The following RYR1 variants were observed in gnomAD, a reference collection of about 807,000 sequenced individuals.
RYR1 encodes the protein ryanodine receptor 1.
RYR1 carries 342 observed loss-of-function variants against 583.5 expected under a neutral mutation model. That is an observed-to-expected ratio of 0.59 (90% CI 0.54 to 0.64). The LOEUF is 0.64. Among genes scored for constraint, RYR1 ranks in the 30% least tolerant of loss-of-function variants. The pLI, the probability that RYR1 is intolerant of heterozygous loss-of-function variation, is 0.00. For missense variants in RYR1, 6,032 were observed against 6,917.2 expected, an observed-to-expected ratio of 0.87 and a Z score of 4.54; for synonymous variants, 2,791 against 2,822.5, an observed-to-expected ratio of 0.99 and a Z score of 0.35.
At position 38,523,173 on chromosome 19, in the gene RYR1, C is replaced by T. The variant is rs764811400; in HGVS notation, c.10348-44C>T. ...CCAGAGGAGCCGCAGCCCACAGGCG[C>T]CTGCCTTCACCTGTCCGGTCTGCAA... On this transcript the variant is annotated intron_variant, in intron 68 of 105. Coordinates refer to ENST00000359596, the MANE Select transcript of RYR1 (RefSeq NM_000540.3). The T allele has an allele frequency of 3.1e-6, 5 of 1,613,596 alleles. No homozygotes were observed. In the African/African-American group the frequency reaches 5.3e-5, roughly 17 times the overall value.
intron 64 of RYR1, 68 bp downstream of exon 64, chr19:38,515,175 A>G: frequency 9.0e-7 from 1 of 1,112,078 alleles, no homozygotes; most frequent in Non-Finnish European, 1.4e-6. Context: ...CAGGGGAAGA[A>G]GATGGGGTGG....
chr19:38,456,111 AC>A (rs1967370487), intron 16 of RYR1, among the ~76,000 whole-genome samples: 1 of 149,308 alleles, frequency 6.7e-6, no homozygotes, highest in Non-Finnish European at 1.5e-5. Context: ...AGCTGGGACT[AC>A]AGGCACACAC....
Position 38,457,636 on chromosome 19 carries a change from G to A in RYR1, c.1925+6G>A. On this transcript the variant is annotated splice_donor_region_variant and intron_variant, in intron 17 of 105. Transcript: ENST00000359596. ...CTCATCAACTATGTCACCAGGTCTG[G>A]CTCTCAACATCTGACCCCAGAACTC... The A allele has an allele frequency of 1.2e-6, 2 of 1,613,988 alleles. No individual in the cohort carries two copies. The highest frequency in any genetic ancestry group is 1.7e-6 in the Non-Finnish European group (2 of 1,179,924).
intron 96 of RYR1, among the ~76,000 whole-genome samples, chr19:38,574,434 A>G (rs1241899157): frequency 6.6e-6 from 1 of 151,708 alleles, no homozygotes; most frequent in Non-Finnish European, 1.5e-5. Context: ...CCTGGACAAC[A>G]TAGAGAGACC....
Position 38,452,808 on chromosome 19 carries a change from GGTC to G in RYR1, c.1245-10_1245-8del, listed in dbSNP as rs1466676196. 6.4e-7 allele frequency: 1 copy of G among 1,573,314 alleles called. No homozygotes were observed. Among genetic ancestry groups the G allele is most frequent in the South Asian group, 1.2e-5 (1 of 86,886 alleles). The stretch of plus-strand genomic sequence containing the variant: ...TCCCAGCCGTGGCTGACAGCTGCGA[GGTC>G]CCTGTAGGAGCCTGGACAGCTTCAG... On this transcript the variant is annotated splice_polypyrimidine_tract_variant and splice_region_variant and intron_variant, in intron 12 of 105. Transcript: ENST00000359596.
At chr19:38,553,217 C>T (rs749872936) in intron 89 of RYR1, among the ~76,000 whole-genome samples, 6 of 151,404 alleles carry the variant, frequency 4.0e-5, no homozygotes, top group Non-Finnish European at 2.9e-5. Flanking sequence ...TGCCTGTAAT[C>T]CCGGCTACTC....
intron 93 of RYR1, 68 bp from the exon 94 acceptor site, chr19:38,570,539 A>G (rs866139502): frequency 8.6e-7 from 1 of 1,169,400 alleles, no homozygotes. Flanking sequence ...CAGGTAAATG[A>G]TGGGATGAAT....
chr19:38,516,284 C>A (rs993398158), intron 65 of RYR1, 67 bp downstream of exon 65: 3 of 1,518,868 alleles, frequency 2.0e-6, no homozygotes, highest in Admixed American at 4.0e-5. Flanking sequence ...CTTGGGGAGA[C>A]CCTAATTTGG....
Position 38,444,030 on chromosome 19 carries a change from C to T in RYR1, c.425-119C>T. ...GAACTGTTAGGCAGAGAGTTGGTGG[C>T]AGTGATAGGAGAGTTGTGGGCCAAG... On this transcript the variant is annotated intron_variant, in intron 5 of 105. Coordinates refer to ENST00000359596, the MANE Select transcript of RYR1 (RefSeq NM_000540.3). The surrounding 1 kb of genome is among the most constrained non-coding windows in gnomAD (Gnocchi z 5.1). The T allele has an allele frequency of 1.1e-6, 1 of 894,892 alleles. No homozygotes were observed. The highest frequency in any genetic ancestry group is 1.8e-6 in the Non-Finnish European group (1 of 541,104). 55.4% of individuals were successfully genotyped at this position (894,892 alleles called of 1,614,324 possible).
At chr19:38,575,440 G>T (rs941701573) in intron 96 of RYR1, among the ~76,000 whole-genome samples, 1 of 150,570 alleles carries the variant, frequency 6.6e-6, no homozygotes, top group Non-Finnish European at 1.5e-5. Flanking sequence ...CGGGAGGGGG[G>T]ATCACCTGAG....
At chr19:38,536,964 G>GCC (rs1971999243) in intron 83 of RYR1, 197 bp downstream of exon 83, 2 of 629,310 alleles carry the variant, frequency 3.2e-6, no homozygotes, top group African/African-American at 3.7e-5. Flanking sequence ...CAGCCACTGA[G>GCC]AATACATGGG....
chr19:38,545,008 C>T (rs978078344), intron 87 of RYR1, among the ~76,000 whole-genome samples: 3 of 152,134 alleles, frequency 2.0e-5, no homozygotes, highest in Non-Finnish European at 4.4e-5. Context: ...GTGCCTCAGG[C>T]TCCTATCCAC....
rs562047331 is a variant in RYR1 at position 38,511,751 on chromosome 19, G to A, written c.9172+141G>A. On this transcript the variant is annotated intron_variant, in intron 61 of 105. Coordinates refer to ENST00000359596, the MANE Select transcript of RYR1 (RefSeq NM_000540.3). ...ACCTGGAGACATGGACCAGGTATCCGGGGGGTAGGGCAGTGACTGAGATGC... is the reference window on the plus strand; with the variant it reads ...ACCTGGAGACATGGACCAGGTATCCAGGGGGTAGGGCAGTGACTGAGATGC... 64 of 1,059,264 alleles carry A rather than the reference G, an allele frequency of 6.0e-5. No individual in the cohort carries two copies. The South Asian group carries it at 6.5e-4, about 11-fold the overall frequency. 65.6% of individuals were successfully genotyped at this position (1,059,264 alleles called of 1,614,324 possible). A position where few individuals can be genotyped will look rare whatever the true frequency, so the allele number is the denominator to read the frequency against.
In RYR1 at chr19:38,561,428, A is replaced by G; in HGVS notation, c.12598A>G (p.Asn4200Asp). 3 of 1,610,252 alleles carry G rather than the reference A, an allele frequency of 1.9e-6. No homozygotes were observed. The highest frequency in any genetic ancestry group is 1.7e-6 in the Non-Finnish European group (2 of 1,179,232). ...ERIYFEISET[N>D]RAQWEMPQVK... ...CATCTACTTCGAGATCTCAGAGACC[A>G]ACCGCGCCCAGTGGGAGATGCCCCA... The change falls in exon 90 of 106, where the codon AAC (asparagine) becomes GAC (aspartate). Residue 4200 changes from asparagine (N) to aspartate (D), a missense_variant. This residue lies in a region of RYR1 where 753 missense variants were observed against 759.6 expected (regional missense o/e 0.99). Transcript: ENST00000359596. The surrounding 1 kb of genome is among the most constrained non-coding windows in gnomAD (Gnocchi z 4.8).
In RYR1 at chr19:38,505,913, G is replaced by T. The variant is rs747337345; in HGVS notation, c.8508G>T (p.Lys2836Asn). 2 of 1,612,746 alleles carry T rather than the reference G, an allele frequency of 1.2e-6. No homozygotes were observed. Among genetic ancestry groups the T allele is most frequent in the Non-Finnish European group, 1.7e-6 (2 of 1,179,636 alleles). Reference protein sequence around the residue: ...AREGEEEKTEKKKTRKISQSA... With the variant: ...AREGEEEKTENKKTRKISQSA... ...AGGGTGAGGAGGAGAAGACGGAAAA[G>T]AAAAAAACGCGGAAGATATCACAAA... is the stretch of plus-strand genomic sequence containing the variant. The change falls in exon 54 of 106, where the codon AAG becomes AAT. Residue 2836 changes from lysine to asparagine, a missense_variant. Lys to Asn is a moderately conservative substitution (Grantham distance 94). This residue lies in a region of RYR1 where 1,493 missense variants were observed against 1,715.5 expected (regional missense o/e 0.87). Coordinates refer to ENST00000359596, the MANE Select transcript of RYR1 (RefSeq NM_000540.3).
chr19:38,442,585 C>A, intron 3 of RYR1, 132 bp downstream of exon 3: 1 of 676,424 alleles, frequency 1.5e-6, no homozygotes, highest in Non-Finnish European at 2.7e-6. Context: ...CTTCCTCTCT[C>A]TGCCCTGCCC....
intron 71 of RYR1, 114 bp from the exon 72 acceptor site, chr19:38,526,879 C>G: frequency 1.8e-6 from 2 of 1,123,824 alleles, no homozygotes; most frequent in Non-Finnish European, 2.7e-6. Context: ...CCCCCACCCC[C>G]ACCCCAGAAA....
At position 38,516,154 on chromosome 19, in the gene RYR1, C is replaced by T. The variant is rs1194347802; in HGVS notation, c.9622C>T (p.Pro3208Ser). The T allele has an allele frequency of 6.4e-7, 1 of 1,556,362 alleles. No homozygotes were observed. Among genetic ancestry groups the T allele is most frequent in the South Asian group, 1.2e-5 (1 of 84,356 alleles). Residue 3208 changes from proline (P) to serine (S), a missense_variant, in exon 65 of 106, where the codon CCG (proline) becomes TCG (serine). This residue lies in a region of RYR1 where 1,493 missense variants were observed against 1,715.5 expected (regional missense o/e 0.87). Coordinates refer to ENST00000359596, the MANE Select transcript of RYR1 (RefSeq NM_000540.3). The part of the protein sequence containing the change: ...AAAMPVAFLE[P>S]QLNEYNACSV... ...AGCCATGCCGGTGGCGTTCCTGGAG[C>T]CGCAGCTGAACGAGTACAACGCCTG...
intron 42 of RYR1, among the ~76,000 whole-genome samples, chr19:38,498,661 C>G (rs1483849061): frequency 6.6e-6 from 1 of 152,106 alleles, no homozygotes; most frequent in African/African-American, 2.4e-5. Flanking sequence ...TCATGCCTCC[C>G]CTTTCTAAAC....
Sources: gnomAD v4.1 joint callset for allele counts (sites outside exome capture counted in the v4.1 genomes callset) on GRCh38, gnomAD v4.1.1 for gene constraint, gnomAD v4.1.1 regional missense constraint, Gnocchi (gnomAD v3.1) non-coding constraint, MANE v1.5 for transcripts, NCBI Gene and HGNC (gene_info 2026-07-23, HGNC 2026-07-21) for gene names.